The following BRIP1 variants were observed in gnomAD, a reference collection of about 807,000 sequenced individuals.
The protein encoded by BRIP1 is Fanconi anemia group J protein.
In BRIP1, 88 loss-of-function variants were observed where a neutral mutation model predicts 119.7. That is an observed-to-expected ratio of 0.74 (90% CI 0.62 to 0.88). BRIP1 has a LOEUF of 0.88. Among genes scored for constraint, BRIP1 ranks in the 40% least tolerant of loss-of-function variants. BRIP1 has a pLI of 0.00. For synonymous variants in BRIP1, 443 were observed against 496.5 expected (o/e 0.89, Z 1.43); for missense variants, 1,259 against 1,455.4 (o/e 0.87, Z 2.20).
chr17:61,818,914 G>T (rs866504365), intron 6 of BRIP1, among the ~76,000 whole-genome samples: 1 of 152,014 alleles, frequency 6.6e-6, no homozygotes, highest in East Asian at 1.9e-4. Flanking sequence ...GGCTGGGCAC[G>T]GTGGCTCACA....
intron 14 of BRIP1, among the ~76,000 whole-genome samples, chr17:61,771,493 CA>C: frequency 6.6e-6 from 1 of 152,198 alleles, no homozygotes; most frequent in African/African-American, 2.4e-5. Flanking sequence ...AACTGCAAAT[CA>C]AAACCACAAG....
At position 61,780,882 on chromosome 17, in the gene BRIP1, A is replaced by C. The variant is rs778774207; in HGVS notation, c.1752T>G (p.Thr584=). 3.1e-6 allele frequency: 5 copies of C among 1,614,104 alleles called. No individual in the cohort carries two copies. The African/African-American group carries it at 4.0e-5, about 13-fold the overall frequency. Residue 584 remains threonine, a synonymous_variant, in exon 12 of 20, where the codon ACT becomes ACG. Transcript: ENST00000259008. The surrounding 1 kb of genome is among the most constrained non-coding windows in gnomAD (Gnocchi z 5.4). ...ACCAAAAGTTTAGCACATGAACTGC[A>C]GTTTTCTGTCGTGAACGTTTCTTAT... is the stretch of plus-strand genomic sequence containing the variant. ...PKNKKRSRQK[T]AVHVLNFWCL...
In BRIP1 at chr17:61,704,431, TATTA is replaced by T. The variant is rs1201977886; in HGVS notation, c.2493-10923_2493-10920del. 2.6e-5 allele frequency among the ~76,000 whole-genome samples: 4 copies of T among 152,198 alleles called. No homozygotes were observed. Among genetic ancestry groups the T allele is most frequent in the African/African-American group, 7.2e-5 (3 of 41,468 alleles). ...GTGAATTTTTTAGAAGGCTTTTAAC[TATTA>T]ATTCTATTTCTTTGCTAGATAGCTA... On this transcript the variant is annotated intron_variant, in intron 17 of 19. Coordinates refer to ENST00000259008, the MANE Select transcript of BRIP1 (RefSeq NM_032043.3). This position sits in a 1 kb window ranked among gnomAD's most constrained non-coding sequence, Gnocchi z 5.7.
intron 17 of BRIP1, among the ~76,000 whole-genome samples, chr17:61,697,626 C>T (rs755837524): frequency 2.6e-5 from 4 of 151,694 alleles, no homozygotes; most frequent in Non-Finnish European, 4.4e-5. Flanking sequence ...ACTTTTGTTA[C>T]CTTGGTTATT....
At chr17:61,737,502 C>A (rs2076934192) in intron 16 of BRIP1, among the ~76,000 whole-genome samples, 1 of 151,962 alleles carries the variant, frequency 6.6e-6, no homozygotes, top group South Asian at 2.1e-4. Flanking sequence ...AATATGACAC[C>A]AAAGCACAGG....
At chr17:61,697,006 G>C (rs530707402) in intron 17 of BRIP1, among the ~76,000 whole-genome samples, 55 of 78,048 alleles carry the variant, frequency 7.0e-4, no homozygotes, top group East Asian at 5.5e-3. Flanking sequence ...AAAAAAAAGG[G>C]GGGGGGAAGT....
At position 61,709,430 on chromosome 17, in the gene BRIP1, TA is replaced by T. The variant is rs1198303373; in HGVS notation, c.2492+6520del. ...AAAAAATCTAAATTTTATAGGGCAT[TA>T]TTTTTTGATATTATTTTAAAGTAAC... On this transcript the variant is annotated intron_variant, in intron 17 of 19. Coordinates refer to ENST00000259008, the MANE Select transcript of BRIP1 (RefSeq NM_032043.3). This position sits in a 1 kb window ranked among gnomAD's most constrained non-coding sequence, Gnocchi z 5.0. Among the ~76,000 whole-genome samples the T allele has an allele frequency of 6.6e-6, 1 of 152,162 alleles. No individual in the cohort carries two copies. Among genetic ancestry groups the T allele is most frequent in the African/African-American group, 2.4e-5 (1 of 41,442 alleles).
chr17:61,681,983 T>A lies in BRIP1; in HGVS notation c.*1313A>T, dbSNP rs577034037. The stretch of plus-strand genomic sequence containing the variant: ...GTCCCAATGCCCAGTGAATAACAGA[T>A]GTTTCTTAAAAAGAGATCAATGAAT... On this transcript the variant is annotated 3_prime_UTR_variant, in exon 20 of 20. Transcript: ENST00000259008. This position sits in a 1 kb window ranked among gnomAD's most constrained non-coding sequence, Gnocchi z 5.1. The A allele has an allele frequency of 3.5e-5, 7 of 200,984 alleles. No individual in the cohort carries two copies. The highest frequency in any genetic ancestry group is 1.1e-4 in the African/African-American group (5 of 43,724). The allele number at this position is 200,984 out of a possible 1,614,324, so 12.5% of individuals were successfully genotyped here.
In BRIP1 at chr17:61,760,238, AT is replaced by A. The variant is rs562369860; in HGVS notation, c.2098-15648del. ...AAATTAAAAGGGAAATTTAAAAAAA[AT>A]ATATTGAGACAAACAAAAATGGAAA... On this transcript the variant is annotated intron_variant, in intron 14 of 19. Coordinates refer to ENST00000259008, the MANE Select transcript of BRIP1 (RefSeq NM_032043.3). The surrounding 1 kb of genome is among the most constrained non-coding windows in gnomAD (Gnocchi z 4.6). Among the ~76,000 whole-genome samples, 419 of 152,110 alleles carry A rather than the reference AT, an allele frequency of 2.8e-3. No homozygotes were observed. Among genetic ancestry groups the A allele is most frequent in the South Asian group, 4.6e-3 (22 of 4,834 alleles).
In BRIP1 at chr17:61,834,775, A is replaced by G. The variant is rs1342231156; in HGVS notation, c.627+12326T>C. 1.3e-5 allele frequency among the ~76,000 whole-genome samples: 2 copies of G among 152,286 alleles called. No individual in the cohort carries two copies. The highest frequency in any genetic ancestry group is 2.1e-4 in the South Asian group (1 of 4,828). Reference sequence around the variant, plus strand: ...CTAGATGATGAGAGAGACCCACCTCATGGTCCCAGCTGACTACCAATCAAC... The same window carrying G: ...CTAGATGATGAGAGAGACCCACCTCGTGGTCCCAGCTGACTACCAATCAAC... On this transcript the variant is annotated intron_variant, in intron 6 of 19. Transcript: ENST00000259008. This position sits in a 1 kb window ranked among gnomAD's most constrained non-coding sequence, Gnocchi z 4.4.
rs182348383 is a variant in BRIP1, at chr17:61,723,756, T to C, written c.2380-7693A>G. On this transcript the variant is annotated intron_variant, in intron 16 of 19. Coordinates refer to ENST00000259008, the MANE Select transcript of BRIP1 (RefSeq NM_032043.3). ...AAACAGTTAAACTACTTGCTTCCCA[T>C]CCCCAATAAATTAGTGTATGTGTAA... Among the ~76,000 whole-genome samples, 76 of 152,254 alleles carry C rather than the reference T, an allele frequency of 5.0e-4. No homozygotes were observed. The East Asian group carries it at 0.014, about 27-fold the overall frequency.
intron 6 of BRIP1, among the ~76,000 whole-genome samples, chr17:61,817,863 G>C (rs927003808): frequency 3.3e-5 from 5 of 152,136 alleles, no homozygotes; most frequent in Non-Finnish European, 4.4e-5. Context: ...GTGCTCATAG[G>C]TAAAAATGGG....
At position 61,806,918 on chromosome 17, in the gene BRIP1, G is replaced by A. The variant is rs1009097822; in HGVS notation, c.918+1549C>T. On this transcript the variant is annotated intron_variant, in intron 7 of 19. Transcript: ENST00000259008. This position sits in a 1 kb window ranked among gnomAD's most constrained non-coding sequence, Gnocchi z 4.9. ...TTGCCATGTTGGCCAGGCCAGTCTCGAACTCCTGACCTCAAGTGCCCGCCT... is the reference window on the plus strand; with the variant it reads ...TTGCCATGTTGGCCAGGCCAGTCTCAAACTCCTGACCTCAAGTGCCCGCCT... Among the ~76,000 whole-genome samples, 3 of 152,038 alleles carry A rather than the reference G, an allele frequency of 2.0e-5. No individual in the cohort carries two copies. The highest frequency in any genetic ancestry group is 2.9e-5 in the Non-Finnish European group (2 of 67,994).
Position 61,759,444 on chromosome 17 carries a change from AAAAG to A in BRIP1, c.2098-14857_2098-14854del, listed in dbSNP as rs879562726. Among the ~76,000 whole-genome samples the A allele has an allele frequency of 3.9e-5, 6 of 152,324 alleles. No homozygotes were observed. Among genetic ancestry groups the A allele is most frequent in the Admixed American group, 2.6e-4 (4 of 15,290 alleles). ...TATAAAGCAAGTATTAAAGGATCTGAAAAGAGAGATAGATTCTAATACAATAATA... is the reference window on the plus strand; with the variant it reads ...TATAAAGCAAGTATTAAAGGATCTGAAGAGATAGATTCTAATACAATAATA... On this transcript the variant is annotated intron_variant, in intron 14 of 19. Coordinates refer to ENST00000259008, the MANE Select transcript of BRIP1 (RefSeq NM_032043.3). This position sits in a 1 kb window ranked among gnomAD's most constrained non-coding sequence, Gnocchi z 4.9.
At chr17:61,718,590 T>A (rs979773396) in intron 16 of BRIP1, among the ~76,000 whole-genome samples, 1 of 152,210 alleles carries the variant, frequency 6.6e-6, no homozygotes, top group Non-Finnish European at 1.5e-5. Context: ...TCCTCTCTAG[T>A]ACTCTACCTT....
rs2078729931 is a variant in BRIP1 at position 61,846,248 on chromosome 17, G to A, written c.627+853C>T. 4.7e-5 allele frequency among the ~76,000 whole-genome samples: 7 copies of A among 148,598 alleles called. No individual in the cohort carries two copies. In the South Asian group the frequency reaches 1.3e-3, roughly 27 times the overall value. On this transcript the variant is annotated intron_variant, in intron 6 of 19. Coordinates refer to ENST00000259008, the MANE Select transcript of BRIP1 (RefSeq NM_032043.3). The surrounding 1 kb of genome is among the most constrained non-coding windows in gnomAD (Gnocchi z 4.3). ...ATATAGAGAGAGAGAGAGAGAAAAAGAGAGAGAGAGAGAAAGAGAGAGAGA... is the reference window on the plus strand; with the variant it reads ...ATATAGAGAGAGAGAGAGAGAAAAAAAGAGAGAGAGAGAAAGAGAGAGAGA...
Position 61,795,726 on chromosome 17 carries a change from C to G in BRIP1, c.1341-1997G>C, listed in dbSNP as rs905647976. Among the ~76,000 whole-genome samples the G allele has an allele frequency of 6.2e-4, 95 of 152,060 alleles. 2 individuals are homozygous for G. The highest frequency in any genetic ancestry group is 1.8e-4 in the Non-Finnish European group (12 of 67,962). ...TGCTGCAGCAAACATGGGAGTATAGCTATACCTTTGATATACTGATTTCCT... is the reference window on the plus strand; with the variant it reads ...TGCTGCAGCAAACATGGGAGTATAGGTATACCTTTGATATACTGATTTCCT... On this transcript the variant is annotated intron_variant, in intron 9 of 19. Coordinates refer to ENST00000259008, the MANE Select transcript of BRIP1 (RefSeq NM_032043.3). This position sits in a 1 kb window ranked among gnomAD's most constrained non-coding sequence, Gnocchi z 5.6.
chr17:61,746,508 T>C lies in BRIP1; in HGVS notation c.2098-1917A>G, dbSNP rs926221008. Among the ~76,000 whole-genome samples, 2 of 152,134 alleles carry C rather than the reference T, an allele frequency of 1.3e-5. No individual in the cohort carries two copies. Among genetic ancestry groups the C allele is most frequent in the African/African-American group, 2.4e-5 (1 of 41,530 alleles). ...AAGGGATAGAAAAAGATATTACTTA[T>C]AAATGGTAACCAAAAGACAGCAGAG... On this transcript the variant is annotated intron_variant, in intron 14 of 19. Coordinates refer to ENST00000259008, the MANE Select transcript of BRIP1 (RefSeq NM_032043.3). The surrounding 1 kb of genome is among the most constrained non-coding windows in gnomAD (Gnocchi z 4.9).
Position 61,861,487 on chromosome 17 carries a change from G to A in BRIP1, c.53C>T (p.Pro18Leu), listed in dbSNP as rs1415589484. 6.2e-7 allele frequency: 1 copy of A among 1,613,260 alleles called. No homozygotes were observed. The highest frequency in any genetic ancestry group is 8.5e-7 in the Non-Finnish European group (1 of 1,179,570). ...AAGCTGTGACGGGTAAGCTTTATAA[G>A]GAAAGTAAATCTTCACCCCACCAAT... Reference protein sequence around the residue: ...YTIGGVKIYFPYKAYPSQLAM... With the variant: ...YTIGGVKIYFLYKAYPSQLAM... Residue 18 changes from proline (P) to leucine (L), a missense_variant, in exon 2 of 20, where the codon CCT becomes CTT. Around this residue, in one of 3 missense-constraint regions of BRIP1, gnomAD observed 501 missense variants for 544.0 expected, o/e 0.92. Transcript: ENST00000259008. The surrounding 1 kb of genome is among the most constrained non-coding windows in gnomAD (Gnocchi z 4.5).
Sources: allele counts gnomAD v4.1 joint callset (sites outside exome capture counted in the v4.1 genomes callset), GRCh38; gene constraint gnomAD v4.1.1; regional missense constraint gnomAD v4.1.1; non-coding constraint Gnocchi (gnomAD v3.1); transcripts MANE v1.5; gene names NCBI Gene and HGNC (gene_info 2026-07-23, HGNC 2026-07-21).